PADI1: variants seen among roughly 807,000 people sequenced by gnomAD.
PADI1 encodes peptidyl arginine deiminase 1.
A neutral mutation model predicts 74.8 loss-of-function variants in PADI1; 65 were observed. The observed-to-expected ratio is 0.87, with a 90% CI of 0.71 to 1.07. The LOEUF (loss-of-function observed/expected upper bound fraction) is 1.07, where lower values mean the gene tolerates loss of function less well. Ranked by LOEUF, PADI1 falls within the 50% of genes least tolerant of loss-of-function variation. The probability of loss-of-function intolerance (pLI) is 0.00; values close to 1 mark genes in which losing one functional copy is unlikely to be tolerated. For missense variants in PADI1, 943 were observed against 854.0 expected (o/e 1.10, Z -1.30); for synonymous variants, 371 against 336.2 (o/e 1.10, Z -1.13).
At chr1:17,208,267 T>A (rs1052596024) in intron 1 of PADI1, among the ~76,000 whole-genome samples, 3 of 152,156 alleles carry the variant, frequency 2.0e-5, no homozygotes, top group African/African-American at 4.8e-5. Flanking sequence ...CTGTGTGAAC[T>A]GGTTATTTGG....
At chr1:17,211,667 TG>T (rs2071837230) in intron 1 of PADI1, among the ~76,000 whole-genome samples, 1 of 152,214 alleles carries the variant, frequency 6.6e-6, no homozygotes, top group Non-Finnish European at 1.5e-5. Flanking sequence ...CCTAACCCTG[TG>T]ACTGCCCAGG....
At chr1:17,222,590 A>G (rs2072189002) in intron 2 of PADI1, 120 bp downstream of exon 2, 1 of 754,634 alleles carries the variant, frequency 1.3e-6, no homozygotes, top group Admixed American at 2.4e-5. Context: ...CACAAAGCTT[A>G]TCACAGTACA....
Position 17,240,920 on chromosome 1 carries a change from A to T in PADI1, c.1758+160A>T, listed in dbSNP as rs193239998. 2.5e-3 allele frequency among the ~76,000 whole-genome samples: 388 copies of T among 152,292 alleles called. 1 individual carries two copies. Among genetic ancestry groups the T allele is most frequent in the Middle Eastern group, 0.01 (3 of 294 alleles). ...GAGAACATTCCCATCAGTGGCTCTCAACCAGGGCAATTTTGCCCCCAGGGG... is the reference window on the plus strand; with the variant it reads ...GAGAACATTCCCATCAGTGGCTCTCTACCAGGGCAATTTTGCCCCCAGGGG... On this transcript the variant is annotated intron_variant, in intron 15 of 15. Coordinates refer to ENST00000375471, the MANE Select transcript of PADI1 (RefSeq NM_013358.3).
At position 17,213,814 on chromosome 1, in the gene PADI1, G is replaced by A. The variant is rs2071898617; in HGVS notation, c.93-8476G>A. On this transcript the variant is annotated intron_variant, in intron 1 of 15. Coordinates refer to ENST00000375471, the MANE Select transcript of PADI1 (RefSeq NM_013358.3). ...TTACCACAGGAGGCGGGCAGGGGTG[G>A]AGAGTAGTTGGTTTTACACTCCTCA... Among the ~76,000 whole-genome samples the A allele has an allele frequency of 2.0e-5, 3 of 152,318 alleles. No individual in the cohort carries two copies. In the South Asian group the frequency reaches 6.2e-4, roughly 32 times the overall value.
chr1:17,245,187 A>T lies in PADI1; in HGVS notation c.*944A>T, dbSNP rs953572328. 5 of 152,658 alleles carry T rather than the reference A, an allele frequency of 3.3e-5. No homozygotes were observed. Among genetic ancestry groups the T allele is most frequent in the African/African-American group, 1.2e-4 (5 of 41,438 alleles). The allele number at this position is 152,658 out of a possible 1,614,324, so 9.5% of individuals were successfully genotyped here. On this transcript the variant is annotated 3_prime_UTR_variant, in exon 16 of 16. Transcript: ENST00000375471. The surrounding 1 kb of genome is among the most constrained non-coding windows in gnomAD (Gnocchi z 4.1). The stretch of plus-strand genomic sequence containing the variant: ...AGGGTGTGTGTGTTGGGAGGAAATT[A>T]GGTTATCTCTGAAGGTGGAGTTTAA...
At chr1:17,210,979 T>C (rs1273247164) in intron 1 of PADI1, among the ~76,000 whole-genome samples, 4 of 152,208 alleles carry the variant, frequency 2.6e-5, no homozygotes, top group African/African-American at 9.6e-5. Context: ...TGGCCACATG[T>C]GAGGAGCTTC....
chr1:17,223,626 G>A lies in PADI1; in HGVS notation c.279G>A (p.Arg93=), dbSNP rs2293912. The A allele has an allele frequency of 0.16, 254,787 of 1,612,134 alleles. 22,018 individuals carry two copies. The highest frequency in any genetic ancestry group is 0.33 in the Admixed American group (19,663 of 59,982). Residue 93 remains arginine, a synonymous_variant, in exon 3 of 16, where the codon AGG becomes AGA. Coordinates refer to ENST00000375471, the MANE Select transcript of PADI1 (RefSeq NM_013358.3). ...ASKELKDFKV[R]VSYFGEQEDQ... is the part of the protein sequence containing the mutation. Reference sequence around the variant, plus strand: ...CTTAGGGCTATGTTCTGCAGGTGAGGGTCTCCTACTTTGGGGAGCAGGAAG... The same window carrying A: ...CTTAGGGCTATGTTCTGCAGGTGAGAGTCTCCTACTTTGGGGAGCAGGAAG...
intron 15 of PADI1, among the ~76,000 whole-genome samples, chr1:17,242,512 G>A (rs1221204794): frequency 2.0e-5 from 3 of 152,206 alleles, no homozygotes; most frequent in Non-Finnish European, 4.4e-5. Flanking sequence ...AAGGTGGCGG[G>A]GAGGGCCTAG....
intron 4 of PADI1, among the ~76,000 whole-genome samples, chr1:17,225,053 A>G (rs1010928872): frequency 6.6e-6 from 1 of 152,158 alleles, no homozygotes; most frequent in East Asian, 1.9e-4. Context: ...GCATGGTGGC[A>G]ACTATGATAC....
chr1:17,223,814 G>A (rs1028900669), intron 3 of PADI1, 121 bp downstream of exon 3: 6 of 790,454 alleles, frequency 7.6e-6, no homozygotes, highest in African/African-American at 5.1e-5. Context: ...TCACTGAGGG[G>A]CTTGGATTCC....
At chr1:17,230,284 C>G in intron 9 of PADI1, 76 bp downstream of exon 9, 3 of 1,541,262 alleles carry the variant, frequency 1.9e-6, no homozygotes, top group Non-Finnish European at 2.6e-6. Flanking sequence ...CCTGATGGAC[C>G]CAGTGTCGCT....
At chr1:17,222,693 TC>T (rs1177721817) in intron 2 of PADI1, among the ~76,000 whole-genome samples, 2 of 152,046 alleles carry the variant, frequency 1.3e-5, no homozygotes, top group African/African-American at 4.8e-5. Context: ...ACGTGAGTAC[TC>T]CCACAAAACA....
Position 17,237,310 on chromosome 1 carries a change from C to A in PADI1, c.1314-4C>A. On this transcript the variant is annotated splice_region_variant and splice_polypyrimidine_tract_variant and intron_variant, in intron 11 of 15. Transcript: ENST00000375471. ...TGACTGCCCGCCCTCTCCCTCCTGG[C>A]CAGGTCCGGTGGGCGGCAGATGGCC... 1 of 1,605,562 alleles carries A rather than the reference C, an allele frequency of 6.2e-7. No individual in the cohort carries two copies. The highest frequency in any genetic ancestry group is 8.5e-7 in the Non-Finnish European group (1 of 1,175,698).
chr1:17,213,391 A>T (rs970386282), intron 1 of PADI1, among the ~76,000 whole-genome samples: 6 of 152,168 alleles, frequency 3.9e-5, no homozygotes, highest in Non-Finnish European at 7.3e-5. Context: ...CCTCTTCAAC[A>T]GACAGATAAA....
At chr1:17,228,503 G>A in intron 6 of PADI1, 122 bp from the exon 7 acceptor site, 1 of 922,246 alleles carries the variant, frequency 1.1e-6, no homozygotes, top group East Asian at 2.4e-5. Context: ...CAGCTTGCAC[G>A]TGGCAGAGCC....
Position 17,240,435 on chromosome 1 carries a change from T to C in PADI1, c.1633-200T>C. 3.7e-6 allele frequency: 2 copies of C among 545,644 alleles called. 1 individual carries two copies. The highest frequency in any genetic ancestry group is 5.0e-5 in the South Asian group (2 of 40,282). 33.8% of individuals were successfully genotyped at this position (545,644 alleles called of 1,614,324 possible). A position where few individuals can be genotyped will look rare whatever the true frequency, so the allele number is the denominator to read the frequency against. On this transcript the variant is annotated intron_variant, in intron 14 of 15. Transcript: ENST00000375471. ...GGGTTCGAACCCCAGCTTTGGCACA[T>C]CCTAGCCTTGTGCACTTGAGCAGGT...
rs2977306 is a variant in PADI1, at chr1:17,237,472, T to C, written c.1458+14T>C. 0.44 allele frequency: 696,593 copies of C among 1,595,764 alleles called. 154,002 individuals carry two copies. Among genetic ancestry groups the C allele is most frequent in the South Asian group, 0.53 (46,907 of 88,026 alleles). ...TCTGACCAAAAGGTGCGTCCCCTCC[T>C]TCCCTGCCTGAGCCACCTCTGCCCT... On this transcript the variant is annotated intron_variant, in intron 12 of 15. Transcript: ENST00000375471.
At position 17,223,830 on chromosome 1, in the gene PADI1, AC is replaced by A; in HGVS notation, c.346+139del. The A allele has an allele frequency of 1.6e-5, 11 of 708,192 alleles. No homozygotes were observed. The South Asian group carries it at 1.8e-4, about 12-fold the overall frequency. The allele number at this position is 708,192 out of a possible 1,614,324, so 43.9% of individuals were successfully genotyped here. A position where few individuals can be genotyped will look rare whatever the true frequency, so the allele number is the denominator to read the frequency against. On this transcript the variant is annotated intron_variant, in intron 3 of 15. Coordinates refer to ENST00000375471, the MANE Select transcript of PADI1 (RefSeq NM_013358.3). ...CACTGAGGGGCTTGGATTCCTCGGG[AC>A]CTTCTGTCCACTCTGGAACCACAGG...
chr1:17,234,031 G>T (rs1205450409), intron 11 of PADI1, among the ~76,000 whole-genome samples: 1 of 152,218 alleles, frequency 6.6e-6, no homozygotes, highest in Non-Finnish European at 1.5e-5. Flanking sequence ...TGAGGCCTCA[G>T]GACAGTCTTT....
Sources: gnomAD v4.1 joint callset for allele counts (sites outside exome capture counted in the v4.1 genomes callset) on GRCh38, gnomAD v4.1.1 for gene constraint, Gnocchi (gnomAD v3.1) non-coding constraint, MANE v1.5 for transcripts, NCBI Gene and HGNC (gene_info 2026-07-23, HGNC 2026-07-21) for gene names.